The following C3orf22 variants were observed in gnomAD, a reference collection of about 807,000 sequenced individuals.
The protein encoded by C3orf22 is chromosome 3 open reading frame 22.
A neutral mutation model predicts 10.8 loss-of-function variants in C3orf22; 7 were observed. The observed-to-expected ratio is 0.65, with a 90% confidence interval of 0.37 to 1.22. The LOEUF is 1.22. Ranked by LOEUF, C3orf22 falls within the 50% of genes most tolerant of loss-of-function variation. The pLI is 0.02. For synonymous variants in C3orf22, 79 were observed against 78.9 expected, an observed-to-expected ratio of 1.00 and a Z score of 0.00; for missense variants, 173 against 177.0, an observed-to-expected ratio of 0.98 and a Z score of 0.13.
downstream of C3orf22, among the ~76,000 whole-genome samples, chr3:126,547,631 G>T (rs1456127441): frequency 6.6e-6 from 1 of 152,210 alleles, no homozygotes; most frequent in Non-Finnish European, 1.5e-5. Context: ...AGTCCCAAAA[G>T]CTCTGGGCCC....
At chr3:126,545,129 CAG>C (rs1158437325), downstream of C3orf22, among the ~76,000 whole-genome samples, 1 of 152,266 alleles carries the variant, frequency 6.6e-6, no homozygotes, top group African/African-American at 2.4e-5. Flanking sequence ...CTGGACAACA[CAG>C]GGGGGTGCCC....
chr3:126,549,003 C>A (rs1034113501), downstream of C3orf22, among the ~76,000 whole-genome samples: 2 of 152,214 alleles, frequency 1.3e-5, no homozygotes, highest in Non-Finnish European at 1.5e-5. Context: ...TTGTAGAACA[C>A]AGTGGGGGGA....
At chr3:126,556,887 C>T (rs1323697317) in intron 1 of C3orf22, among the ~76,000 whole-genome samples, 1 of 150,228 alleles carries the variant, frequency 6.7e-6, no homozygotes, top group Non-Finnish European at 1.5e-5. Flanking sequence ...CACACAGACT[C>T]ACACACATGC....
intron 4 of C3orf22, among the ~76,000 whole-genome samples, chr3:126,535,222 T>TAGAC (rs1936753977): frequency 2.5e-5 from 1 of 40,736 alleles, no homozygotes; most frequent in African/African-American, 9.1e-5. Context: ...CCCCAGCCGG[T>TAGAC]AGACAGACAG....
exon 5 of C3orf22, chr3:126,529,143 C>A: frequency 2.7e-6 from 1 of 373,454 alleles, no homozygotes; most frequent in Non-Finnish European, 4.8e-6. Context: ...CTGCACAGGG[C>A]GCGAGCCCTG....
chr3:126,534,976 TCCCTGTCCC>T (rs1936739538), intron 4 of C3orf22, among the ~76,000 whole-genome samples: 1 of 136,918 alleles, frequency 7.3e-6, no homozygotes. Context: ...CAGACCAGCA[TCCCTGTCCC>T]CAGCCGGGAG....
Position 126,549,932 on chromosome 3 carries a change from C to G in C3orf22, c.362G>C (p.Arg121Pro), listed in dbSNP as rs750107811. 2 of 1,614,094 alleles carry G rather than the reference C, an allele frequency of 1.2e-6. No homozygotes were observed. Among genetic ancestry groups the G allele is most frequent in the Non-Finnish European group, 8.5e-7 (1 of 1,180,024 alleles). Residue 121 changes from arginine (R) to proline (P), a missense_variant, in exon 4 of 4, where the codon CGG (arginine) becomes CCG (proline). Transcript: ENST00000318225. ...CTGGGGGCAGGCAGCCTCAGTGTGC[C>G]GGGTGGACAGCAGGAAGGCGAGTTG... ...PRQLAFLLST[R>P]HTEAACPQTS...
intron 4 of C3orf22, chr3:126,541,982 C>G: frequency 6.4e-7 from 1 of 1,570,946 alleles, no homozygotes. Context: ...GCAAGAGGCG[C>G]ACGCGCCTGG....
chr3:126,550,749 C>T lies in C3orf22; in HGVS notation c.216-671G>A, dbSNP rs114529065. 7.0e-3 allele frequency among the ~76,000 whole-genome samples: 1,073 copies of T among 152,310 alleles called. 17 individuals are homozygous for T. Among genetic ancestry groups the T allele is most frequent in the African/African-American group, 0.025 (1,030 of 41,570 alleles). On this transcript the variant is annotated intron_variant, in intron 3 of 3. Transcript: ENST00000318225. ...GCCCTGGCATGGGACCAACTCCCTG[C>T]TGTGGCTGGGCCCTGGGAGCCGCTT...
rs1354504801 is a variant in C3orf22, at chr3:126,558,847, T to G, written c.-261A>C. 6.6e-6 allele frequency: 1 copy of G among 152,270 alleles called. No homozygotes were observed. Among genetic ancestry groups the G allele is most frequent in the Non-Finnish European group, 1.5e-5 (1 of 68,068 alleles). The allele number at this position is 152,270 out of a possible 1,614,324, so 9.4% of individuals were successfully genotyped here. A position where few individuals can be genotyped will look rare whatever the true frequency, so the allele number is the denominator to read the frequency against. On this transcript the variant is annotated 5_prime_UTR_variant, in exon 1 of 4. Transcript: ENST00000318225. ...GCAGGACCCTGTGGGCTGGCTTATG[T>G]GACGCCAGGCAGACTGAAGCTGGCC... is the stretch of plus-strand genomic sequence containing the variant.
Position 126,550,068 on chromosome 3 carries a change from G to A in C3orf22, c.226C>T (p.Pro76Ser), listed in dbSNP as rs1308714922. 6.2e-6 allele frequency: 10 copies of A among 1,613,840 alleles called. No homozygotes were observed. Among genetic ancestry groups the A allele is most frequent in the Admixed American group, 3.3e-5 (2 of 60,004 alleles). Residue 76 changes from proline (P) to serine (S), a missense_variant, in exon 4 of 4, where the codon CCA (proline) becomes TCA (serine). Pro to Ser is a moderately conservative substitution (Grantham distance 74). Transcript: ENST00000318225. ...RSIPVRGLGA[P>S]DFTSPSGSCP... The stretch of plus-strand genomic sequence containing the variant: ...GAGCCAGACGGTGATGTAAAATCTG[G>A]AGCCCCGAGCCTAGAGAAGCCACAC...
intron 4 of C3orf22, among the ~76,000 whole-genome samples, chr3:126,535,480 C>A (rs1196036726): frequency 1.3e-5 from 2 of 150,992 alleles, no homozygotes; most frequent in African/African-American, 4.9e-5. Flanking sequence ...TATCGCTGTC[C>A]TCAGCCGGGA....
At chr3:126,532,739 G>T (rs1274004134) in intron 4 of C3orf22, among the ~76,000 whole-genome samples, 1 of 152,120 alleles carries the variant, frequency 6.6e-6, no homozygotes, top group Non-Finnish European at 1.5e-5. Flanking sequence ...GATTCTTTTG[G>T]ATATTCTGAA....
chr3:126,541,531 C>A (rs1225295946), intron 4 of C3orf22, among the ~76,000 whole-genome samples: 1 of 152,192 alleles, frequency 6.6e-6, no homozygotes, highest in Admixed American at 6.5e-5. Context: ...AGTCAGAATC[C>A]GTTTCTCCCA....
At chr3:126,542,204 G>T in intron 4 of C3orf22, 1 of 1,449,514 alleles carries the variant, frequency 6.9e-7, no homozygotes, top group East Asian at 2.9e-5. Context: ...CGACGCCCGG[G>T]CCCGCGGCCA....
At chr3:126,532,538 T>A (rs1032864441) in intron 4 of C3orf22, among the ~76,000 whole-genome samples, 1 of 152,244 alleles carries the variant, frequency 6.6e-6, no homozygotes, top group African/African-American at 2.4e-5. Context: ...CCTTTCCCCA[T>A]TGAATTGTCT....
downstream of C3orf22, among the ~76,000 whole-genome samples, chr3:126,549,191 G>A (rs913250833): frequency 6.6e-6 from 1 of 151,632 alleles, no homozygotes; most frequent in African/African-American, 2.4e-5. Flanking sequence ...TCTCGGTCCT[G>A]TCCCCAGGTC....
chr3:126,549,779 G>A lies in C3orf22; in HGVS notation c.*89C>T. Reference sequence around the variant, plus strand: ...CCGGTCTATGATGGCCATGAAGGCTGATCCCTTTACTAAAGTCTCTGTGGC... The same window carrying A: ...CCGGTCTATGATGGCCATGAAGGCTAATCCCTTTACTAAAGTCTCTGTGGC... On this transcript the variant is annotated 3_prime_UTR_variant, in exon 4 of 4. Transcript: ENST00000318225. 6.6e-7 allele frequency: 1 copy of A among 1,519,880 alleles called. No homozygotes were observed. The highest frequency in any genetic ancestry group is 8.8e-7 in the Non-Finnish European group (1 of 1,134,210). The allele number at this position is 1,519,880 out of a possible 1,614,324, so 94.1% of individuals were successfully genotyped here.
downstream of C3orf22, among the ~76,000 whole-genome samples, chr3:126,546,961 C>A (rs1038120248): frequency 1.4e-4 from 21 of 152,238 alleles, no homozygotes; most frequent in Admixed American, 3.3e-4. Flanking sequence ...TTTTGTTCCA[C>A]TGGTCTTAAA....
Sources: allele counts gnomAD v4.1 joint callset (sites outside exome capture counted in the v4.1 genomes callset), GRCh38; gene constraint gnomAD v4.1.1; transcripts MANE v1.5; gene names NCBI Gene and HGNC (gene_info 2026-07-23, HGNC 2026-07-21).